IMMT: variants seen among roughly 807,000 people sequenced by gnomAD.
IMMT encodes MICOS complex subunit MIC60.
Under a neutral mutation model 92.7 loss-of-function variants are expected in IMMT, and 40 were observed. The observed-to-expected ratio is 0.43, with a 90% CI of 0.34 to 0.56. IMMT has a LOEUF of 0.56. Among genes scored for constraint, IMMT ranks in the 20% least tolerant of loss-of-function variants. The probability of loss-of-function intolerance (pLI) is 0.03; values close to 1 mark genes in which losing one functional copy is unlikely to be tolerated. For missense variants in IMMT, 831 were observed against 912.1 expected (o/e 0.91, Z 1.14); for synonymous variants, 322 against 336.1 (o/e 0.96, Z 0.46).
intron 2 of IMMT, among the ~76,000 whole-genome samples, chr2:86,179,924 T>G (rs1672305175): frequency 3.1e-5 from 3 of 95,760 alleles, no homozygotes; most frequent in Admixed American, 2.8e-4. Context: ...CACCACACCC[T>G]GCCAAAAAAA....
At chr2:86,148,294 G>A (rs908378527) in intron 12 of IMMT, among the ~76,000 whole-genome samples, 2 of 152,160 alleles carry the variant, frequency 1.3e-5, no homozygotes, top group Non-Finnish European at 1.5e-5. Context: ...GAGTAATAAT[G>A]CCTACTTTGA....
At chr2:86,177,352 C>T (rs972533295) in intron 3 of IMMT, among the ~76,000 whole-genome samples, 1 of 151,920 alleles carries the variant, frequency 6.6e-6, no homozygotes, top group Non-Finnish European at 1.5e-5. Flanking sequence ...CCTGTAATCC[C>T]AGCACTTTGG....
intron 3 of IMMT, among the ~76,000 whole-genome samples, chr2:86,176,164 T>A (rs1018749156): frequency 2.0e-5 from 3 of 152,216 alleles, no homozygotes; most frequent in Non-Finnish European, 4.4e-5. Flanking sequence ...AGGAGCCCAA[T>A]GGCCAGTTCC....
chr2:86,148,796 ACT>A (rs1489890164), intron 12 of IMMT, among the ~76,000 whole-genome samples: 1 of 152,188 alleles, frequency 6.6e-6, no homozygotes, highest in Non-Finnish European at 1.5e-5. Context: ...ATTACTTAAC[ACT>A]GATTACCTGA....
chr2:86,150,202 A>G (rs1015537943), intron 12 of IMMT, among the ~76,000 whole-genome samples: 1 of 152,202 alleles, frequency 6.6e-6, no homozygotes, highest in African/African-American at 2.4e-5. Context: ...CAAGCTGGAG[A>G]TACCAGGTAG....
intron 10 of IMMT, among the ~76,000 whole-genome samples, chr2:86,157,809 A>G (rs1304402896): frequency 6.6e-6 from 1 of 150,564 alleles, no homozygotes; most frequent in Non-Finnish European, 1.5e-5. Flanking sequence ...AAAAAGAAAA[A>G]AAAAAAAAGG....
At chr2:86,193,767 C>T (rs1673338400) in intron 1 of IMMT, among the ~76,000 whole-genome samples, 2 of 152,140 alleles carry the variant, frequency 1.3e-5, no homozygotes, top group South Asian at 4.1e-4. Context: ...TTTTACAAGA[C>T]AGCAATTTCA....
At chr2:86,166,875 G>A (rs1319207760) in intron 6 of IMMT, among the ~76,000 whole-genome samples, 4 of 152,068 alleles carry the variant, frequency 2.6e-5, no homozygotes, top group African/African-American at 7.2e-5. Flanking sequence ...CGAGGCGGGC[G>A]TATCACAAGG....
chr2:86,156,459 T>C (rs1258780029), intron 10 of IMMT, among the ~76,000 whole-genome samples: 1 of 151,926 alleles, frequency 6.6e-6, no homozygotes, highest in East Asian at 1.9e-4. Flanking sequence ...CTGGGTGTGG[T>C]GGCACACGCC....
At chr2:86,189,198 G>A (rs1008968016) in intron 1 of IMMT, among the ~76,000 whole-genome samples, 3 of 150,936 alleles carry the variant, frequency 2.0e-5, no homozygotes, top group Non-Finnish European at 4.4e-5. Context: ...GCAGAAACGT[G>A]ATATTAAAAA....
intron 13 of IMMT, 52 bp from the exon 14 acceptor site, chr2:86,146,249 A>T: frequency 6.6e-7 from 1 of 1,521,386 alleles, no homozygotes; most frequent in East Asian, 2.3e-5. Flanking sequence ...AATGCATGTC[A>T]TGTAACTGTG....
intron 1 of IMMT, among the ~76,000 whole-genome samples, chr2:86,182,606 A>G: frequency 6.6e-6 from 1 of 152,196 alleles, no homozygotes; most frequent in Non-Finnish European, 1.5e-5. Context: ...GGCGAGGGTG[A>G]GCGGCGCAGG....
chr2:86,181,945 C>T (rs1439507316), intron 1 of IMMT, among the ~76,000 whole-genome samples: 3 of 152,162 alleles, frequency 2.0e-5, no homozygotes, highest in Admixed American at 1.3e-4. Context: ...TAAAAGCCAA[C>T]CATTTTAAGA....
At chr2:86,167,195 A>G (rs1676750070) in intron 6 of IMMT, among the ~76,000 whole-genome samples, 1 of 134,284 alleles carries the variant, frequency 7.4e-6, no homozygotes, top group South Asian at 2.5e-4. Flanking sequence ...TTTTTGAGAC[A>G]GAGTCTCGCT....
intron 7 of IMMT, among the ~76,000 whole-genome samples, chr2:86,164,266 A>G (rs889118766): frequency 4.0e-5 from 6 of 151,480 alleles, no homozygotes; most frequent in African/African-American, 1.5e-4. Flanking sequence ...CATGTTGGTC[A>G]GGCTGGTCTC....
chr2:86,170,770 G>T lies in IMMT; in HGVS notation c.634C>A (p.Gln212Lys), dbSNP rs779714239. 1 of 1,582,398 alleles carries T rather than the reference G, an allele frequency of 6.3e-7. No individual in the cohort carries two copies. The highest frequency in any genetic ancestry group is 1.3e-5 in the African/African-American group (1 of 74,730). Reference protein sequence around the residue: ...VAARLAQQEKQEQVKIESLAK... With the variant: ...VAARLAQQEKKEQVKIESLAK... ...ATACACTCAATTTTAACTTGTTCTT[G>T]TTTTTCCTGTTGTGCAAGGCGAGCT... The change falls in exon 6 of 15, where the codon CAA (glutamine) becomes AAA (lysine). Residue 212 changes from glutamine to lysine, a missense_variant. Coordinates refer to ENST00000410111, the MANE Select transcript of IMMT (RefSeq NM_006839.3).
intron 14 of IMMT, among the ~76,000 whole-genome samples, chr2:86,145,452 A>G (rs1488857136): frequency 7.1e-6 from 1 of 140,802 alleles, no homozygotes; most frequent in Non-Finnish European, 1.5e-5. Flanking sequence ...TCGATATCAC[A>G]CCACTGCACT....
In IMMT at chr2:86,153,565, T is replaced by C. The variant is rs777468703; in HGVS notation, c.1172A>G (p.Asp391Gly). Residue 391 changes from aspartate (D) to glycine (G), a missense_variant, in exon 11 of 15, where the codon GAC (aspartate) becomes GGC (glycine). Asp to Gly is a moderately conservative substitution (Grantham distance 94). Coordinates refer to ENST00000410111, the MANE Select transcript of IMMT (RefSeq NM_006839.3). ...GAAATATACATAACACTCACCTAAG[T>C]CTGAAACACCTACAAAGGAAAAAAT... Reference protein sequence around the residue: ...LPGWKGMSVSDLADKLSTDDL... With the variant: ...LPGWKGMSVSGLADKLSTDDL... 2.0e-6 allele frequency: 3 copies of C among 1,480,940 alleles called. No homozygotes were observed. Among genetic ancestry groups the C allele is most frequent in the Middle Eastern group, 1.7e-4 (1 of 5,772 alleles). The allele number at this position is 1,480,940 out of a possible 1,614,324, so 91.7% of individuals were successfully genotyped here.
In IMMT at chr2:86,146,215, T is replaced by TTCTG. The variant is rs1674996420; in HGVS notation, c.1534-19_1534-18insCAGA. 4.4e-6 allele frequency: 7 copies of TTCTG among 1,592,704 alleles called. No homozygotes were observed. In the South Asian group the frequency reaches 6.7e-5, roughly 15 times the overall value. ...GACAGGTTCTGAAATAAAACAGAAA[T>TTCTG]AGTTCCAGAAAAAAGTGATACTCAA... On this transcript the variant is annotated intron_variant, in intron 13 of 14. Transcript: ENST00000410111.
Sources: gnomAD v4.1 joint callset for allele counts (sites outside exome capture counted in the v4.1 genomes callset) on GRCh38, gnomAD v4.1.1 for gene constraint, MANE v1.5 for transcripts, NCBI Gene and HGNC (gene_info 2026-07-23, HGNC 2026-07-21) for gene names.